Variants in SGCZ observed in about 807,000 individuals in gnomAD.
SGCZ encodes sarcoglycan zeta.
SGCZ carries 40 observed loss-of-function variants against 41.3 expected under a neutral mutation model. That is an observed-to-expected ratio of 0.97 (90% confidence interval 0.75 to 1.26). The LOEUF (loss-of-function observed/expected upper bound fraction) is 1.26. Ranked by LOEUF, SGCZ falls within the 50% of genes most tolerant of loss-of-function variation. The pLI is 0.00. For missense variants in SGCZ, 552 were observed against 369.8 expected, an observed-to-expected ratio of 1.49 and a Z score of -4.04; for synonymous variants, 206 against 137.5, an observed-to-expected ratio of 1.50 and a Z score of -3.49.
chr8:15,192,846 G>A (rs1307318043), intron 1 of SGCZ, among the ~76,000 whole-genome samples: 2 of 152,020 alleles, frequency 1.3e-5, no homozygotes, highest in African/African-American at 4.8e-5. Flanking sequence ...AACAAAAGCA[G>A]CCTAACCAGT....
chr8:14,096,527 C>T (rs562198429), intron 7 of SGCZ, among the ~76,000 whole-genome samples: 14 of 152,122 alleles, frequency 9.2e-5, no homozygotes, highest in African/African-American at 2.6e-4. Context: ...TGAGGATTTT[C>T]GAATCGATGT....
chr8:14,242,027 G>C (rs1475283275), intron 3 of SGCZ, among the ~76,000 whole-genome samples: 1 of 152,134 alleles, frequency 6.6e-6, no homozygotes, highest in Non-Finnish European at 1.5e-5. Flanking sequence ...AGAAAGAAAG[G>C]AGACAGACTT....
intron 1 of SGCZ, among the ~76,000 whole-genome samples, chr8:14,857,633 G>A (rs1484056298): frequency 1.3e-5 from 2 of 152,138 alleles, no homozygotes; most frequent in Admixed American, 6.5e-5. Flanking sequence ...CAAGGCTAAG[G>A]CAGGTGGATT....
rs142314868 is a variant in SGCZ, at chr8:14,489,866, C to CATTTTTTTTTTTTTTTTTTTTTTTTTTT, written c.234+64865_234+64866insAAAAAAAAAAAAAAAAAAAAAAAAAAAT. On this transcript the variant is annotated intron_variant, in intron 2 of 7. Coordinates refer to ENST00000382080, the MANE Select transcript of SGCZ (RefSeq NM_139167.4). ...ACTGGCTCGCCGAAAAATTCTCCTA[C>CATTTTTTTTTTTTTTTTTTTTTTTTTTT]CTTTTTTTTTTTTTTCCTGAGATGG... is the stretch of plus-strand genomic sequence containing the variant. Among the ~76,000 whole-genome samples the CATTTTTTTTTTTTTTTTTTTTTTTTTTT allele has an allele frequency of 5.1e-5, 7 of 137,478 alleles. 2 individuals carry two copies. The highest frequency in any genetic ancestry group is 5.7e-5 in the African/African-American group (2 of 35,028). The allele number at this position is 137,478 out of a possible 152,430, so 90.2% of individuals were successfully genotyped here.
At chr8:14,967,334 G>T (rs1801155434) in intron 1 of SGCZ, among the ~76,000 whole-genome samples, 2 of 152,014 alleles carry the variant, frequency 1.3e-5, no homozygotes, top group South Asian at 4.1e-4. Flanking sequence ...CTCCATCTCT[G>T]GTCTAACTGC....
chr8:14,532,556 G>A (rs770044052), intron 2 of SGCZ, among the ~76,000 whole-genome samples: 11 of 151,862 alleles, frequency 7.2e-5, no homozygotes, highest in Non-Finnish European at 1.5e-4. Context: ...CTTATGCTTT[G>A]TGGGAGCAAG....
At chr8:14,480,218 A>G (rs977691804) in intron 2 of SGCZ, among the ~76,000 whole-genome samples, 2 of 152,242 alleles carry the variant, frequency 1.3e-5, no homozygotes, top group South Asian at 4.1e-4. Context: ...TACTTTATGT[A>G]TGAATAAAGT....
At chr8:14,525,887 T>C (rs761753479) in intron 2 of SGCZ, among the ~76,000 whole-genome samples, 1 of 151,860 alleles carries the variant, frequency 6.6e-6, no homozygotes, top group Non-Finnish European at 1.5e-5. Flanking sequence ...AGAACAAAAA[T>C]ACGATGCAGA....
intron 1 of SGCZ, among the ~76,000 whole-genome samples, chr8:14,876,316 T>C (rs1244227653): frequency 6.6e-6 from 1 of 152,092 alleles, no homozygotes; most frequent in African/African-American, 2.4e-5. Context: ...GAAAACAACA[T>C]AGCATTACAA....
At chr8:14,580,844 T>G (rs1164385772) in intron 1 of SGCZ, among the ~76,000 whole-genome samples, 2 of 152,204 alleles carry the variant, frequency 1.3e-5, no homozygotes, top group Non-Finnish European at 2.9e-5. Context: ...GGGAGCCTTC[T>G]CCCAGGCTCC....
intron 2 of SGCZ, among the ~76,000 whole-genome samples, chr8:14,338,080 A>G (rs1423096506): frequency 3.9e-5 from 6 of 152,226 alleles, no homozygotes; most frequent in Non-Finnish European, 5.9e-5. Flanking sequence ...AGGAGACTTA[A>G]GGCAGTTACT....
intron 1 of SGCZ, among the ~76,000 whole-genome samples, chr8:15,209,503 A>C (rs936424878): frequency 9.3e-6 from 1 of 107,232 alleles, no homozygotes; most frequent in African/African-American, 3.2e-5. Context: ...AAAAAAAAAA[A>C]GTGGCTTTCA....
Position 14,332,202 on chromosome 8 carries a change from G to A in SGCZ, c.235-7998C>T, listed in dbSNP as rs547207323. ...TGTAATCCCAGTACTTTGGGAGGCCGAAGCGGGCGGATCACGAGTTCAGGA... is the reference window on the plus strand; with the variant it reads ...TGTAATCCCAGTACTTTGGGAGGCCAAAGCGGGCGGATCACGAGTTCAGGA... On this transcript the variant is annotated intron_variant, in intron 2 of 7. Transcript: ENST00000382080. 9.2e-5 allele frequency among the ~76,000 whole-genome samples: 14 copies of A among 152,210 alleles called. No individual in the cohort carries two copies. The East Asian group carries it at 2.5e-3, about 27-fold the overall frequency.
At chr8:14,527,484 T>C (rs779067479) in intron 2 of SGCZ, among the ~76,000 whole-genome samples, 4 of 152,112 alleles carry the variant, frequency 2.6e-5, no homozygotes, top group Non-Finnish European at 4.4e-5. Flanking sequence ...AAACTATTTT[T>C]TGTAGTGACA....
At chr8:15,008,143 TTC>T (rs780015286) in intron 1 of SGCZ, among the ~76,000 whole-genome samples, 1 of 152,286 alleles carries the variant, frequency 6.6e-6, no homozygotes, top group Admixed American at 6.5e-5. Flanking sequence ...TTATCCCATT[TTC>T]TCTCTCTTTA....
At chr8:14,827,220 C>A (rs1336599896) in intron 1 of SGCZ, among the ~76,000 whole-genome samples, 7 of 148,652 alleles carry the variant, frequency 4.7e-5, no homozygotes, top group Non-Finnish European at 1.0e-4. Flanking sequence ...GTTTATATCA[C>A]ATTTTCTTTT....
intron 1 of SGCZ, among the ~76,000 whole-genome samples, chr8:14,781,436 CCAGGCTGGTCT>C (rs1800584408): frequency 6.6e-6 from 1 of 152,100 alleles, no homozygotes; most frequent in Non-Finnish European, 1.5e-5. Context: ...GCCATGTTAA[CCAGGCTGGTCT>C]CAAACCCCTG....
At chr8:14,580,875 T>G (rs1804866053) in intron 1 of SGCZ, among the ~76,000 whole-genome samples, 1 of 152,202 alleles carries the variant, frequency 6.6e-6, no homozygotes. Context: ...ACATCATGGT[T>G]GATTAGGGCT....
rs1799579292 is a variant in SGCZ, at chr8:15,163,816, T to C, written c.39+73769A>G. Among the ~76,000 whole-genome samples the C allele has an allele frequency of 5.9e-5, 9 of 152,354 alleles. 1 individual carries two copies. The South Asian group carries it at 1.7e-3, about 28-fold the overall frequency. The stretch of plus-strand genomic sequence containing the variant: ...AGATAAATAGTATACTAAGTTTCAC[T>C]GTCCAAAAGAAAAATTCAACTTTAC... On this transcript the variant is annotated intron_variant, in intron 1 of 7. Coordinates refer to ENST00000382080, the MANE Select transcript of SGCZ (RefSeq NM_139167.4).
Sources: gnomAD v4.1 joint callset for allele counts (sites outside exome capture counted in the v4.1 genomes callset) on GRCh38, gnomAD v4.1.1 for gene constraint, MANE v1.5 for transcripts, NCBI Gene and HGNC (gene_info 2026-07-23, HGNC 2026-07-21) for gene names.